The following CAVIN1 variants were observed in gnomAD, a reference collection of about 807,000 sequenced individuals.
CAVIN1 encodes caveolae-associated protein 1.
Under a neutral mutation model 24.0 loss-of-function variants are expected in CAVIN1, and 16 were observed. The ratio of observed to expected loss-of-function variants is 0.67; its 90% CI spans 0.45 to 1.01. The LOEUF is 1.01. Ranked by LOEUF, CAVIN1 falls within the 50% of genes least tolerant of loss-of-function variation. CAVIN1 has a pLI of 0.00. For synonymous variants in CAVIN1, 256 were observed against 256.4 expected (o/e 1.00, Z 0.02); for missense variants, 510 against 551.7 (o/e 0.92, Z 0.76).
chr17:42,412,389 C>CTTT (rs34186503), intron 1 of CAVIN1: 597 of 202,868 alleles, frequency 2.9e-3, no homozygotes, highest in Non-Finnish European at 4.2e-3. Flanking sequence ...AAATAAACCA[C>CTTT]TTTTTTTTTT....
In CAVIN1 at chr17:42,402,911, C is replaced by G. The variant is rs1296522704; in HGVS notation, c.*1776G>C. 6.6e-6 allele frequency: 1 copy of G among 152,174 alleles called. No individual in the cohort carries two copies. The highest frequency in any genetic ancestry group is 6.6e-5 in the Admixed American group (1 of 15,260). The allele number at this position is 152,174 out of a possible 1,614,324, so 9.4% of individuals were successfully genotyped here. A position where few individuals can be genotyped will look rare whatever the true frequency, so the allele number is the denominator to read the frequency against. On this transcript the variant is annotated 3_prime_UTR_variant, in exon 2 of 2. Transcript: ENST00000357037. ...AACAAGGGGACTCGTGTCTTGAGAA[C>G]CTGGTCGTGTCTTGAGAACCCAGTC...
At chr17:42,418,509 G>T (rs2085526173) in intron 1 of CAVIN1, among the ~76,000 whole-genome samples, 1 of 152,150 alleles carries the variant, frequency 6.6e-6, no homozygotes, top group Non-Finnish European at 1.5e-5. Context: ...GGGATTACAG[G>T]TGTGAGCCAC....
Position 42,408,774 on chromosome 17 carries a change from A to C in CAVIN1, c.472-3386T>G, listed in dbSNP as rs1403051258. Among the ~76,000 whole-genome samples, 13 of 146,952 alleles carry C rather than the reference A, an allele frequency of 8.8e-5. No individual in the cohort carries two copies. The Admixed American group carries it at 8.9e-4, about 10-fold the overall frequency. On this transcript the variant is annotated intron_variant, in intron 1 of 1. Coordinates refer to ENST00000357037, the MANE Select transcript of CAVIN1 (RefSeq NM_012232.6). ...CCAAAGTGCTGGGATTACAAGCCTA[A>C]GCCACCGTGCCCGGCCTTTTTTTTT...
In CAVIN1 at chr17:42,404,631, G is replaced by T; in HGVS notation, c.*56C>A. On this transcript the variant is annotated 3_prime_UTR_variant, in exon 2 of 2. Coordinates refer to ENST00000357037, the MANE Select transcript of CAVIN1 (RefSeq NM_012232.6). The stretch of plus-strand genomic sequence containing the variant: ...CAGCCAGCTCGAGCCGAGAGAGAAT[G>T]CGAAAGAGGAAGTTCGGAAGGAGCG... The T allele has an allele frequency of 8.3e-7, 1 of 1,202,498 alleles. No individual in the cohort carries two copies. The highest frequency in any genetic ancestry group is 1.7e-5 in the South Asian group (1 of 58,604). The allele number at this position is 1,202,498 out of a possible 1,614,324, so 74.5% of individuals were successfully genotyped here.
rs999475012 is a variant in CAVIN1 at position 42,411,396 on chromosome 17, AT to A, written c.472-6009del. Reference sequence around the variant, plus strand: ...CAGTCCAACCCCATCTCTAAAAAAAATTTTTTTAACATTTTTTTTAAGTTGA... The same window carrying A: ...CAGTCCAACCCCATCTCTAAAAAAAATTTTTTAACATTTTTTTTAAGTTGA... On this transcript the variant is annotated intron_variant, in intron 1 of 1. Coordinates refer to ENST00000357037, the MANE Select transcript of CAVIN1 (RefSeq NM_012232.6). 5 of 982,754 alleles carry A rather than the reference AT, an allele frequency of 5.1e-6. No homozygotes were observed. The African/African-American group carries it at 8.8e-5, about 17-fold the overall frequency. The allele number at this position is 982,754 out of a possible 1,614,324, so 60.9% of individuals were successfully genotyped here.
At chr17:42,417,421 T>A (rs12938957) in intron 1 of CAVIN1, among the ~76,000 whole-genome samples, 4 of 144,470 alleles carry the variant, frequency 2.8e-5, no homozygotes, top group Non-Finnish European at 6.0e-5. Context: ...ATTGTGCCAC[T>A]GCACTCTAGC....
At chr17:42,411,535 TG>T in intron 1 of CAVIN1, 1 of 985,382 alleles carries the variant, frequency 1.0e-6, no homozygotes, top group Non-Finnish European at 1.2e-6. Context: ...AGGCAGGATC[TG>T]GCAAACATAA....
chr17:42,412,737 C>A (rs1346147472), intron 1 of CAVIN1, among the ~76,000 whole-genome samples: 3 of 152,138 alleles, frequency 2.0e-5, no homozygotes, highest in African/African-American at 7.2e-5. Context: ...CCTGCCTCAG[C>A]CTCCCGAATA....
chr17:42,411,207 A>AAAAAAAAACAAAAAAAC (rs758609413), intron 1 of CAVIN1, among the ~76,000 whole-genome samples: 4 of 127,528 alleles, frequency 3.1e-5, no homozygotes, highest in Non-Finnish European at 6.7e-5. Context: ...AAAAAAAAAA[A>AAAAAAAAACAAAAAAAC]AACTAAAAGG....
chr17:42,422,831 G>A lies in CAVIN1; in HGVS notation c.267C>T (p.Ile89=). ...QAEMEGAVQS[I]QGELSKLGKA... is the part of the protein sequence containing the mutation. Reference sequence around the variant, plus strand: ...TGCCCAGCTTGCTCAGCTCGCCCTGGATGCTCTGCACTGCGCCCTCCATCT... The same window carrying A: ...TGCCCAGCTTGCTCAGCTCGCCCTGAATGCTCTGCACTGCGCCCTCCATCT... The change falls in exon 1 of 2, where the codon ATC becomes ATT. Residue 89 remains isoleucine, a synonymous_variant. Coordinates refer to ENST00000357037, the MANE Select transcript of CAVIN1 (RefSeq NM_012232.6). 4 of 1,613,772 alleles carry A rather than the reference G, an allele frequency of 2.5e-6. No individual in the cohort carries two copies. The highest frequency in any genetic ancestry group is 3.4e-6 in the Non-Finnish European group (4 of 1,179,936).
rs772376361 is a variant in CAVIN1 at position 42,404,944 on chromosome 17, C to G, written c.916G>C (p.Val306Leu). ...GCGGTCTTGGAGCGCGCGTACACCA[C>G]GTGGTCGGGCGTGAAGGATTTGCGC... ...KLRKSFTPDH[V>L]VYARSKTAVY... The change falls in exon 2 of 2, where the codon GTG becomes CTG. Residue 306 changes from valine (V) to leucine (L), a missense_variant. Coordinates refer to ENST00000357037, the MANE Select transcript of CAVIN1 (RefSeq NM_012232.6). The G allele has an allele frequency of 6.2e-7, 1 of 1,614,144 alleles. No homozygotes were observed. Among genetic ancestry groups the G allele is most frequent in the Admixed American group, 1.7e-5 (1 of 60,022 alleles).
chr17:42,422,925 AG>A lies in CAVIN1; in HGVS notation c.172del (p.Leu58TrpfsTer8), dbSNP rs1355697465. On this transcript the variant is annotated frameshift_variant, in exon 1 of 2. Coordinates refer to ENST00000357037, the MANE Select transcript of CAVIN1 (RefSeq NM_012232.6). LOFTEE classifies it high-confidence loss of function. ...GTCTACGGCCCCGATGATTTTGTCC[AG>A]GAGGCTCAGCACCAGCACGCCGTTC... Reference protein sequence around the residue: ...QVNGVLVLSLLDKIIGAVDQI... With the variant: ...QVNGVLVLSLXDKIIGAVDQI... 3.7e-6 allele frequency: 6 copies of A among 1,613,900 alleles called. No homozygotes were observed. In the African/African-American group the frequency reaches 6.7e-5, roughly 18 times the overall value.
chr17:42,418,635 A>G (rs1271939915), intron 1 of CAVIN1, among the ~76,000 whole-genome samples: 1 of 152,174 alleles, frequency 6.6e-6, no homozygotes, highest in Non-Finnish European at 1.5e-5. Flanking sequence ...GTTAGATAGA[A>G]GGAATAAGAT....
chr17:42,421,191 G>T (rs2085542899), intron 1 of CAVIN1, among the ~76,000 whole-genome samples: 1 of 152,052 alleles, frequency 6.6e-6, no homozygotes, highest in African/African-American at 2.4e-5. Context: ...CCTCAGATAG[G>T]TACCAGCTGA....
In CAVIN1 at chr17:42,422,639, G is replaced by T. The variant is rs774514924; in HGVS notation, c.459C>A (p.Val153=). The T allele has an allele frequency of 1.9e-6, 3 of 1,582,014 alleles. No individual in the cohort carries two copies. Among genetic ancestry groups the T allele is most frequent in the African/African-American group, 2.7e-5 (2 of 74,024 alleles). ...CCTGTGGGCTCACCTGGTAGATCAT[G>T]ACTTTAAAGTTGCGGCGCCGCAGCA... The part of the protein sequence containing the change: ...AELLRRRNFK[V]MIYQDEVKLP... Residue 153 remains valine, a synonymous_variant, in exon 1 of 2, where the codon GTC becomes GTA. Transcript: ENST00000357037.
intron 1 of CAVIN1, among the ~76,000 whole-genome samples, chr17:42,420,349 G>A (rs1325839153): frequency 1.3e-5 from 2 of 152,244 alleles, no homozygotes; most frequent in African/African-American, 4.8e-5. Context: ...TCTGGGAGGA[G>A]CAGGAGCAGC....
At chr17:42,415,738 AAAAAAAAG>A (rs1414852142) in intron 1 of CAVIN1, among the ~76,000 whole-genome samples, 3 of 151,852 alleles carry the variant, frequency 2.0e-5, no homozygotes, top group East Asian at 1.9e-4. Flanking sequence ...ACAAAAAACA[AAAAAAAAG>A]AAAAAAAGAA....
chr17:42,419,716 C>T (rs1598579939), intron 1 of CAVIN1, among the ~76,000 whole-genome samples: 2 of 152,308 alleles, frequency 1.3e-5, no homozygotes, highest in South Asian at 4.1e-4. Flanking sequence ...TCACTTCTCT[C>T]ATTTACTAGC....
At chr17:42,417,434 G>A (rs975420302) in intron 1 of CAVIN1, among the ~76,000 whole-genome samples, 2 of 134,532 alleles carry the variant, frequency 1.5e-5, no homozygotes, top group African/African-American at 5.6e-5. Context: ...ACTCTAGCCT[G>A]AGCAACAGAG....
Sources: gnomAD v4.1 joint callset for allele counts (sites outside exome capture counted in the v4.1 genomes callset) on GRCh38, gnomAD v4.1.1 for gene constraint, MANE v1.5 for transcripts, NCBI Gene and HGNC (gene_info 2026-07-23, HGNC 2026-07-21) for gene names.